The following RAP1GDS1 variants were observed in gnomAD, a reference collection of about 807,000 sequenced individuals.
RAP1GDS1 encodes the protein Rap1 GTPase-GDP dissociation stimulator 1, also known as RAP1, GTP-GDP dissociation stimulator 1.
A neutral mutation model predicts 71.1 loss-of-function variants in RAP1GDS1; 35 were observed. The observed-to-expected ratio is 0.49, with a 90% CI of 0.38 to 0.65. RAP1GDS1 has a LOEUF of 0.65. Among genes scored for constraint, RAP1GDS1 ranks in the 30% least tolerant of loss-of-function variants. The probability of loss-of-function intolerance (pLI) is 0.00; values close to 1 mark genes in which losing one functional copy is unlikely to be tolerated. For missense variants in RAP1GDS1, 663 were observed against 706.1 expected, an observed-to-expected ratio of 0.94 and a Z score of 0.69; for synonymous variants, 229 against 243.1, an observed-to-expected ratio of 0.94 and a Z score of 0.54.
At chr4:98,424,958 A>C (rs1216397290) in intron 12 of RAP1GDS1, among the ~76,000 whole-genome samples, 5 of 152,188 alleles carry the variant, frequency 3.3e-5, no homozygotes, top group Non-Finnish European at 7.3e-5. Context: ...AGTTAAGACA[A>C]AGGAAAGAAT....
chr4:98,430,226 TG>T (rs1356227843), intron 12 of RAP1GDS1, among the ~76,000 whole-genome samples: 51 of 152,246 alleles, frequency 3.3e-4, no homozygotes, highest in Admixed American at 2.2e-3. Context: ...GAAAACAACT[TG>T]AAATTATATA....
chr4:98,334,849 G>C (rs1405738673), intron 2 of RAP1GDS1, among the ~76,000 whole-genome samples: 1 of 144,554 alleles, frequency 6.9e-6, no homozygotes, highest in Non-Finnish European at 1.5e-5. Flanking sequence ...TTTTAATCTT[G>C]GCTGGAATTC....
Position 98,383,748 on chromosome 4 carries a change from A to G in RAP1GDS1, c.508+4585A>G, listed in dbSNP as rs573215946. 2.2e-4 allele frequency among the ~76,000 whole-genome samples: 33 copies of G among 151,758 alleles called. No individual in the cohort carries two copies. In the East Asian group the frequency reaches 6.4e-3, roughly 29 times the overall value. On this transcript the variant is annotated intron_variant, in intron 5 of 14. Transcript: ENST00000408927. Reference sequence around the variant, plus strand: ...CATATTAAAGATTATTTAATGTGTAATTAATCTTAGCTGCTACTTTCAGTC... The same window carrying G: ...CATATTAAAGATTATTTAATGTGTAGTTAATCTTAGCTGCTACTTTCAGTC...
chr4:98,433,871 A>G (rs1381313667), intron 12 of RAP1GDS1, 65 bp from the exon 13 acceptor site: 3 of 1,469,880 alleles, frequency 2.0e-6, no homozygotes, highest in Non-Finnish European at 2.8e-6. Flanking sequence ...GAGTTGACTG[A>G]TTTTAATGCA....
chr4:98,346,464 G>C (rs1434777110), intron 3 of RAP1GDS1, among the ~76,000 whole-genome samples: 3 of 152,010 alleles, frequency 2.0e-5, no homozygotes, highest in Admixed American at 2.0e-4. Flanking sequence ...TGAGACTCCA[G>C]AAAAATGCAC....
intron 7 of RAP1GDS1, among the ~76,000 whole-genome samples, chr4:98,415,749 T>G (rs1018339323): frequency 6.6e-6 from 1 of 152,194 alleles, no homozygotes; most frequent in Non-Finnish European, 1.5e-5. Flanking sequence ...TATGTTATGT[T>G]TAGCCATCAG....
At chr4:98,393,897 A>T (rs1435635842) in intron 6 of RAP1GDS1, among the ~76,000 whole-genome samples, 3 of 152,186 alleles carry the variant, frequency 2.0e-5, no homozygotes, top group Non-Finnish European at 4.4e-5. Context: ...TTTTTAGCAC[A>T]TCTTACTAGA....
intron 1 of RAP1GDS1, among the ~76,000 whole-genome samples, chr4:98,274,947 C>T (rs1723986229): frequency 6.6e-6 from 1 of 152,002 alleles, no homozygotes; most frequent in South Asian, 2.1e-4. Context: ...ATTTAATTAA[C>T]TCCCCATGGG....
intron 2 of RAP1GDS1, among the ~76,000 whole-genome samples, chr4:98,323,297 A>C (rs1338620938): frequency 2.0e-5 from 3 of 146,698 alleles, no homozygotes; most frequent in Non-Finnish European, 3.0e-5. Flanking sequence ...ACCAACCAAA[A>C]AGAGTCCAGG....
chr4:98,380,295 G>C (rs1259204952), intron 5 of RAP1GDS1, among the ~76,000 whole-genome samples: 1 of 151,646 alleles, frequency 6.6e-6, no homozygotes, highest in Non-Finnish European at 1.5e-5. Context: ...GATGGGAGGT[G>C]GGGGAGAAAG....
At chr4:98,282,107 G>A (rs1180260332) in intron 1 of RAP1GDS1, among the ~76,000 whole-genome samples, 1 of 152,158 alleles carries the variant, frequency 6.6e-6, no homozygotes, top group African/African-American at 2.4e-5. Context: ...TTGGTATCAG[G>A]ATGATGCTGG....
intron 4 of RAP1GDS1, among the ~76,000 whole-genome samples, chr4:98,375,511 T>G (rs1437639153): frequency 6.6e-6 from 1 of 152,112 alleles, no homozygotes; most frequent in East Asian, 1.9e-4. Flanking sequence ...TAACATTATC[T>G]CCTATAGAAA....
chr4:98,380,306 C>G (rs751637055), intron 5 of RAP1GDS1, among the ~76,000 whole-genome samples: 8 of 151,664 alleles, frequency 5.3e-5, no homozygotes, highest in Non-Finnish European at 7.4e-5. Flanking sequence ...GGGGAGAAAG[C>G]TGAAATGTCT....
At chr4:98,438,567 C>CGTATAT (rs1351068846) in intron 14 of RAP1GDS1, among the ~76,000 whole-genome samples, 4 of 104,744 alleles carry the variant, frequency 3.8e-5, no homozygotes, top group African/African-American at 1.7e-4. Context: ...TTTATTCTTC[C>CGTATAT]ATATATATAT....
chr4:98,356,209 C>T (rs1217951767), intron 4 of RAP1GDS1, among the ~76,000 whole-genome samples: 5 of 151,954 alleles, frequency 3.3e-5, no homozygotes, highest in African/African-American at 1.2e-4. Flanking sequence ...GGTTTTAAAG[C>T]GCAGTAGTAT....
At chr4:98,302,481 A>G (rs1728703821) in intron 2 of RAP1GDS1, among the ~76,000 whole-genome samples, 1 of 152,208 alleles carries the variant, frequency 6.6e-6, no homozygotes, top group Admixed American at 6.5e-5. Context: ...ATAATACAGA[A>G]GATAGTCAAA....
intron 1 of RAP1GDS1, among the ~76,000 whole-genome samples, chr4:98,274,686 G>A (rs1723951679): frequency 6.6e-6 from 1 of 152,020 alleles, no homozygotes; most frequent in Admixed American, 6.6e-5. Context: ...TTATTTTATG[G>A]AGACTCTTCA....
chr4:98,404,392 T>A, intron 6 of RAP1GDS1, 85 bp from the exon 7 acceptor site: 1 of 1,262,814 alleles, frequency 7.9e-7, no homozygotes, highest in Non-Finnish European at 1.1e-6. Flanking sequence ...TTATCAGTAA[T>A]GGTACAAAAT....
chr4:98,436,796 A>T, intron 13 of RAP1GDS1, 144 bp from the exon 14 acceptor site: 5 of 812,184 alleles, frequency 6.2e-6, no homozygotes, highest in Non-Finnish European at 8.6e-6. Flanking sequence ...ACATGGTCTG[A>T]ATTTAATATT....
Sources: allele counts gnomAD v4.1 joint callset (sites outside exome capture counted in the v4.1 genomes callset), GRCh38; gene constraint gnomAD v4.1.1; transcripts MANE v1.5; gene names NCBI Gene and HGNC (gene_info 2026-07-23, HGNC 2026-07-21).